Variants in ANTXR2 observed in about 807,000 individuals in gnomAD.
ANTXR2 encodes the protein anthrax toxin receptor 2.
In ANTXR2, 44 loss-of-function variants were observed where a neutral mutation model predicts 73.7. That is an observed-to-expected ratio of 0.60 (90% CI 0.47 to 0.77). The LOEUF (loss-of-function observed/expected upper bound fraction) is 0.77. Among genes scored for constraint, ANTXR2 ranks in the 30% least tolerant of loss-of-function variants. The pLI, the probability that ANTXR2 is intolerant of heterozygous loss-of-function variation, is 0.00. For synonymous variants in ANTXR2, 217 were observed against 205.9 expected, an observed-to-expected ratio of 1.05 and a Z score of -0.46; for missense variants, 604 against 592.5, an observed-to-expected ratio of 1.02 and a Z score of -0.20.
chr4:79,920,070 C>T (rs1727534928), intron 16 of ANTXR2, among the ~76,000 whole-genome samples: 1 of 151,518 alleles, frequency 6.6e-6, no homozygotes, highest in Non-Finnish European at 1.5e-5. Flanking sequence ...TATTAACTCA[C>T]CATTTTTTTC....
At chr4:79,998,760 C>G (rs1048644932) in intron 12 of ANTXR2, among the ~76,000 whole-genome samples, 2 of 152,000 alleles carry the variant, frequency 1.3e-5, no homozygotes, top group African/African-American at 4.8e-5. Context: ...AGGATACAGA[C>G]TCTTAAACAG....
At chr4:80,013,617 C>T (rs571115035) in intron 11 of ANTXR2, among the ~76,000 whole-genome samples, 3 of 152,352 alleles carry the variant, frequency 2.0e-5, no homozygotes, top group Admixed American at 6.5e-5. Flanking sequence ...CACCTGTTCA[C>T]CATATGCAAA....
chr4:79,959,232 TA>T (rs1729053177), intron 16 of ANTXR2, among the ~76,000 whole-genome samples: 1 of 152,052 alleles, frequency 6.6e-6, no homozygotes, highest in Non-Finnish European at 1.5e-5. Context: ...TAGCCCCTTA[TA>T]AATAACATTT....
chr4:80,005,826 C>A (rs1328118620), intron 12 of ANTXR2, among the ~76,000 whole-genome samples: 4 of 152,094 alleles, frequency 2.6e-5, no homozygotes, highest in African/African-American at 9.7e-5. Context: ...AGCAAAGTTT[C>A]TTTCAGGTAA....
At chr4:80,052,849 A>G (rs999714297) in intron 7 of ANTXR2, among the ~76,000 whole-genome samples, 5 of 151,666 alleles carry the variant, frequency 3.3e-5, no homozygotes, top group Non-Finnish European at 7.4e-5. Context: ...TAATAAAACA[A>G]TGATAACGAT....
intron 16 of ANTXR2, among the ~76,000 whole-genome samples, chr4:79,973,471 TCTCAGCTCACTACTGC>T: frequency 6.7e-6 from 1 of 148,224 alleles, no homozygotes; most frequent in African/African-American, 2.6e-5. Flanking sequence ...AGTGGTGCGA[TCTCAGCTCACTACTGC>T]GATCTCAGCT....
intron 11 of ANTXR2, among the ~76,000 whole-genome samples, chr4:80,016,616 A>G (rs1383780290): frequency 2.6e-5 from 4 of 152,214 alleles, no homozygotes; most frequent in Non-Finnish European, 5.9e-5. Context: ...TTGCATATTC[A>G]GGGGCCTGAC....
At chr4:80,036,259 A>G (rs1183102236) in intron 7 of ANTXR2, among the ~76,000 whole-genome samples, 1 of 152,152 alleles carries the variant, frequency 6.6e-6, no homozygotes, top group African/African-American at 2.4e-5. Context: ...ATTTGATTAA[A>G]GTAAATTCAG....
At chr4:79,943,443 G>A (rs796156930) in intron 16 of ANTXR2, among the ~76,000 whole-genome samples, 860 of 21,086 alleles carry the variant, frequency 0.041, 27 homozygotes, top group Middle Eastern at 0.15. Context: ...TAGGGACATG[G>A]ATGAAATTGG....
At chr4:79,931,504 C>A (rs1728057051) in intron 16 of ANTXR2, among the ~76,000 whole-genome samples, 1 of 151,792 alleles carries the variant, frequency 6.6e-6, no homozygotes, top group Non-Finnish European at 1.5e-5. Flanking sequence ...AACACCCCAC[C>A]CCCACTCCAA....
intron 12 of ANTXR2, among the ~76,000 whole-genome samples, chr4:79,997,351 C>T (rs1027449342): frequency 2.0e-5 from 3 of 151,696 alleles, no homozygotes; most frequent in Non-Finnish European, 2.9e-5. Context: ...CCCAATTTAT[C>T]GGCAATGTCA....
intron 7 of ANTXR2, among the ~76,000 whole-genome samples, chr4:80,045,526 C>A (rs779103212): frequency 2.8e-4 from 42 of 151,416 alleles, no homozygotes; most frequent in Non-Finnish European, 5.2e-4. Flanking sequence ...ATTTCCATGA[C>A]CCACAGCATG....
At chr4:80,047,772 A>G (rs1442135984) in intron 7 of ANTXR2, among the ~76,000 whole-genome samples, 1 of 151,754 alleles carries the variant, frequency 6.6e-6, no homozygotes, top group Admixed American at 6.6e-5. Context: ...ATAGAAACAT[A>G]GGCAAAACTT....
In ANTXR2 at chr4:79,903,348, G is replaced by GTT. The variant is rs1351914929; in HGVS notation, c.*4079_*4080dup. ...AACACATTGAGTCAATTCTCCCTCT[G>GTT]TTTCTCTCTCTCTCTCTCTCTCTCA... On this transcript the variant is annotated 3_prime_UTR_variant, in exon 17 of 17. Coordinates refer to ENST00000403729, the MANE Select transcript of ANTXR2 (RefSeq NM_058172.6). The GTT allele has an allele frequency of 7.1e-6, 1 of 141,040 alleles. No homozygotes were observed. The highest frequency in any genetic ancestry group is 1.5e-5 in the Non-Finnish European group (1 of 65,482). The allele number at this position is 141,040 out of a possible 1,614,324, so 8.7% of individuals were successfully genotyped here. A position where few individuals can be genotyped will look rare whatever the true frequency, so the allele number is the denominator to read the frequency against.
chr4:79,923,372 C>G (rs1727661058), intron 16 of ANTXR2, among the ~76,000 whole-genome samples: 1 of 152,072 alleles, frequency 6.6e-6, no homozygotes, highest in Non-Finnish European at 1.5e-5. Flanking sequence ...GTCTTCCTGG[C>G]TTATTTAGTC....
intron 7 of ANTXR2, among the ~76,000 whole-genome samples, chr4:80,049,136 G>A (rs529086088): frequency 3.1e-4 from 47 of 149,518 alleles, no homozygotes; most frequent in African/African-American, 8.8e-4. Context: ...TAAAAAAAAT[G>A]TGGGAATAAT....
Position 80,067,677 on chromosome 4 carries a change from G to A in ANTXR2, c.296+1759C>T, listed in dbSNP as rs961312225. On this transcript the variant is annotated intron_variant, in intron 3 of 16. Coordinates refer to ENST00000403729, the MANE Select transcript of ANTXR2 (RefSeq NM_058172.6). ...CGGGTTGTGGACTACCATGGCTCTG[G>A]CTCCTGATGAGATTCATTCTCATCC... Among the ~76,000 whole-genome samples, 17 of 122,298 alleles carry A rather than the reference G, an allele frequency of 1.4e-4. 1 individual carries two copies. Among genetic ancestry groups the A allele is most frequent in the Admixed American group, 9.0e-4 (12 of 13,324 alleles). The allele number at this position is 122,298 out of a possible 152,430, so 80.2% of individuals were successfully genotyped here. A position where few individuals can be genotyped will look rare whatever the true frequency, so the allele number is the denominator to read the frequency against.
chr4:79,917,118 T>A (rs1727383929), intron 16 of ANTXR2, among the ~76,000 whole-genome samples: 1 of 152,108 alleles, frequency 6.6e-6, no homozygotes, highest in Non-Finnish European at 1.5e-5. Flanking sequence ...GCCAAAAGCA[T>A]AGAACATGGC....
At chr4:79,919,900 TA>T (rs1727518686) in intron 16 of ANTXR2, among the ~76,000 whole-genome samples, 1 of 16,802 alleles carries the variant, frequency 6.0e-5, no homozygotes, top group Admixed American at 5.2e-4. Flanking sequence ...TATATATATA[TA>T]TATATATATA....
Sources: allele counts gnomAD v4.1 joint callset (sites outside exome capture counted in the v4.1 genomes callset), GRCh38; gene constraint gnomAD v4.1.1; transcripts MANE v1.5; gene names NCBI Gene and HGNC (gene_info 2026-07-23, HGNC 2026-07-21).